TCFL5: variants seen among roughly 807,000 people sequenced by gnomAD.
TCFL5 encodes the protein transcription factor like 5.
TCFL5 carries 9 observed loss-of-function variants against 44.3 expected under a neutral mutation model. That is an observed-to-expected ratio of 0.20 (90% confidence interval 0.12 to 0.35). The LOEUF is 0.35. Ranked by LOEUF, TCFL5 falls within the 10% of genes least tolerant of loss-of-function variation. TCFL5 has a pLI of 1.00. For synonymous variants in TCFL5, 319 were observed against 271.6 expected (o/e 1.17, Z -1.72); for missense variants, 603 against 613.4 (o/e 0.98, Z 0.18).
intron 1 of TCFL5, among the ~76,000 whole-genome samples, chr20:62,860,665 G>C (rs774939624): frequency 2.6e-5 from 4 of 152,222 alleles, no homozygotes; most frequent in African/African-American, 7.2e-5. Flanking sequence ...GCAGGCTGGA[G>C]CCTCATTTTA....
chr20:62,845,527 C>T, intron 5 of TCFL5: 8 of 1,441,886 alleles, frequency 5.5e-6, no homozygotes, highest in Non-Finnish European at 6.4e-6. Context: ...AAAACACTTG[C>T]CTATTTGGCA....
chr20:62,844,720 T>C (rs1362644316), intron 5 of TCFL5: 1 of 238,430 alleles, frequency 4.2e-6, no homozygotes, highest in South Asian at 1.5e-4. Flanking sequence ...CTCAGCCTCC[T>C]GAATAGCTGG....
rs182871301 is a variant in TCFL5, at chr20:62,849,829, C to A, written c.1380+4187G>T. 3.9e-5 allele frequency among the ~76,000 whole-genome samples: 6 copies of A among 152,202 alleles called. No individual in the cohort carries two copies. In the East Asian group the frequency reaches 1.2e-3, roughly 29 times the overall value. ...AATTAGCTGGTCATGATGGCACACA[C>A]CTGAAGTCCTAGCTACTTAGGAGGC... On this transcript the variant is annotated intron_variant, in intron 5 of 5. Transcript: ENST00000335351.
chr20:62,852,965 A>G, intron 5 of TCFL5: 4 of 1,289,240 alleles, frequency 3.1e-6, no homozygotes, highest in Non-Finnish European at 4.0e-6. Flanking sequence ...AGTCCGCAGA[A>G]GCATGGTCAC....
At chr20:62,845,181 G>A (rs1056250759) in intron 5 of TCFL5, 1 of 969,344 alleles carries the variant, frequency 1.0e-6, no homozygotes, top group Non-Finnish European at 1.2e-6. Flanking sequence ...GGGTGCAATG[G>A]CACGATCTCA....
intron 5 of TCFL5, among the ~76,000 whole-genome samples, chr20:62,850,006 T>G (rs2063787722): frequency 6.6e-6 from 1 of 152,124 alleles, no homozygotes; most frequent in South Asian, 2.1e-4. Context: ...TAGGCAGGTA[T>G]AGTGGCAATA....
chr20:62,861,114 C>A lies in TCFL5; in HGVS notation c.557G>T (p.Arg186Leu). ...GATGCTGTTGAAGCGGTCCTCCAGG[C>A]GGACGCGCACGGCCGGCTTGGCCCG... ...EARAKPAVRV[R>L]LEDRFNSIPA... Residue 186 changes from arginine to leucine, a missense_variant, in exon 1 of 6, where the codon CGC becomes CTC. By Grantham distance (102) the Arg-to-Leu change is moderately radical. This residue lies in a region of TCFL5 where 540 missense variants were observed against 478.7 expected (regional missense o/e 1.13). Coordinates refer to ENST00000335351, the MANE Select transcript of TCFL5 (RefSeq NM_006602.4). This position sits in a 1 kb window ranked among gnomAD's most constrained non-coding sequence, Gnocchi z 4.0. 2 of 998,570 alleles carry A rather than the reference C, an allele frequency of 2.0e-6. No homozygotes were observed. Among genetic ancestry groups the A allele is most frequent in the Non-Finnish European group, 2.4e-6 (2 of 840,572 alleles). The allele number at this position is 998,570 out of a possible 1,614,324, so 61.9% of individuals were successfully genotyped here. A position where few individuals can be genotyped will look rare whatever the true frequency, so the allele number is the denominator to read the frequency against.
At chr20:62,845,612 G>A (rs1461080802) in intron 5 of TCFL5, 1 of 1,587,714 alleles carries the variant, frequency 6.3e-7, no homozygotes, top group East Asian at 2.3e-5. Context: ...TAGACCCTCG[G>A]AGCTGGTCTC....
At chr20:62,849,124 C>T (rs1276049117) in intron 5 of TCFL5, among the ~76,000 whole-genome samples, 1 of 151,742 alleles carries the variant, frequency 6.6e-6, no homozygotes, top group African/African-American at 2.4e-5. Flanking sequence ...AAGATGACAC[C>T]ACTACACTTC....
intron 5 of TCFL5, among the ~76,000 whole-genome samples, chr20:62,844,574 T>TTG (rs2063717038): frequency 7.0e-6 from 1 of 142,188 alleles, no homozygotes; most frequent in African/African-American, 2.9e-5. Context: ...TTTTTTTGTT[T>TTG]GTTTTTTGTT....
chr20:62,859,816 G>A (rs1347742915), intron 2 of TCFL5, among the ~76,000 whole-genome samples: 1 of 151,662 alleles, frequency 6.6e-6, no homozygotes, highest in Non-Finnish European at 1.5e-5. Flanking sequence ...CACCTCCCAG[G>A]CTCAAGCGAT....
At chr20:62,851,507 GCTTT>G in intron 5 of TCFL5, 1 of 983,708 alleles carries the variant, frequency 1.0e-6, no homozygotes, top group Non-Finnish European at 1.2e-6. Context: ...AAACACAAAA[GCTTT>G]ATTTTATCAA....
chr20:62,846,607 A>G (rs1430285299), intron 5 of TCFL5, among the ~76,000 whole-genome samples: 3 of 152,172 alleles, frequency 2.0e-5, no homozygotes, highest in Non-Finnish European at 4.4e-5. Context: ...CATGAGAAGA[A>G]TAACAACAAG....
chr20:62,851,784 T>A, intron 5 of TCFL5: 1 of 985,374 alleles, frequency 1.0e-6, no homozygotes, highest in Non-Finnish European at 1.2e-6. Context: ...TGCGGGGACC[T>A]CTCTCTAGCC....
intron 5 of TCFL5, among the ~76,000 whole-genome samples, chr20:62,849,960 T>C (rs954615111): frequency 6.6e-6 from 1 of 151,620 alleles, no homozygotes; most frequent in Non-Finnish European, 1.5e-5. Context: ...CTCAAAAAAA[T>C]AAAACAAAAC....
rs752202005 is a variant in TCFL5 at position 62,857,523 on chromosome 20, G to A, written c.1110C>T (p.Thr370=). 81 of 1,614,110 alleles carry A rather than the reference G, an allele frequency of 5.0e-5. No individual in the cohort carries two copies. Among genetic ancestry groups the A allele is most frequent in the Admixed American group, 1.7e-4 (10 of 60,000 alleles). ...GEIQNVGEGA[T]ATQGAWQSSE... ...AGGACTGCCAAGCGCCTTGTGTGGC[G>A]GTGGCACCTTCGCCCACATTCTGAA... Residue 370 remains threonine, a synonymous_variant, in exon 4 of 6, where the codon ACC becomes ACT. Transcript: ENST00000335351.
At chr20:62,845,477 G>C (rs1014692030) in intron 5 of TCFL5, 4 of 1,377,944 alleles carry the variant, frequency 2.9e-6, no homozygotes, top group Non-Finnish European at 3.8e-6. Flanking sequence ...CCCACATTTT[G>C]ATAATTTCCT....
intron 5 of TCFL5, chr20:62,845,438 A>G (rs1170318965): frequency 5.4e-6 from 7 of 1,290,768 alleles, no homozygotes; most frequent in Admixed American, 3.6e-5. Flanking sequence ...CCAAATTTTA[A>G]AAGGTTTTAG....
chr20:62,853,592 C>T (rs2063845134), intron 5 of TCFL5, among the ~76,000 whole-genome samples: 1 of 152,200 alleles, frequency 6.6e-6, no homozygotes, highest in South Asian at 2.1e-4. Flanking sequence ...CTCAAGAGAT[C>T]CTCCCACTTC....
Sources: allele counts gnomAD v4.1 joint callset (sites outside exome capture counted in the v4.1 genomes callset), GRCh38; gene constraint gnomAD v4.1.1; regional missense constraint gnomAD v4.1.1; non-coding constraint Gnocchi (gnomAD v3.1); transcripts MANE v1.5; gene names NCBI Gene and HGNC (gene_info 2026-07-23, HGNC 2026-07-21).